The following EBAG9 variants were observed in gnomAD, a reference collection of about 807,000 sequenced individuals.
EBAG9 encodes estrogen receptor binding site associated antigen 9.
EBAG9 carries 16 observed loss-of-function variants against 30.9 expected under a neutral mutation model. The observed-to-expected ratio is 0.52, with a 90% CI of 0.35 to 0.79. EBAG9 has a LOEUF of 0.79. Ranked by LOEUF, EBAG9 falls within the 30% of genes least tolerant of loss-of-function variation. The pLI is 0.01. For synonymous variants in EBAG9, 93 were observed against 82.8 expected, an observed-to-expected ratio of 1.12 and a Z score of -0.67; for missense variants, 197 against 242.1, an observed-to-expected ratio of 0.81 and a Z score of 1.24.
rs534001160 is a variant in EBAG9 at position 109,557,050 on chromosome 8, T to A, written c.429+8T>A. 1 of 1,545,784 alleles carries A rather than the reference T, an allele frequency of 6.5e-7. No individual in the cohort carries two copies. The highest frequency in any genetic ancestry group is 1.8e-5 in the Admixed American group (1 of 56,458). ...CCTTTTATTCATCAGTCTGTAAGTATGTTAATGGTTCTAGGGAAGGGTTTT... is the reference window on the plus strand; with the variant it reads ...CCTTTTATTCATCAGTCTGTAAGTAAGTTAATGGTTCTAGGGAAGGGTTTT... On this transcript the variant is annotated splice_region_variant and intron_variant, in intron 5 of 6. Transcript: ENST00000337573.
intron 5 of EBAG9, among the ~76,000 whole-genome samples, chr8:109,559,621 G>A (rs761803778): frequency 1.2e-4 from 18 of 152,050 alleles, no homozygotes; most frequent in Non-Finnish European, 2.2e-4. Context: ...AGACCAACCT[G>A]AGCAACATAG....
intron 6 of EBAG9, among the ~76,000 whole-genome samples, chr8:109,562,562 C>A (rs1355677880): frequency 6.6e-6 from 1 of 151,822 alleles, no homozygotes; most frequent in East Asian, 1.9e-4. Context: ...ATAAATAATG[C>A]CAGTACTGTG....
At chr8:109,547,034 A>AT (rs111313500) in intron 1 of EBAG9, among the ~76,000 whole-genome samples, 8,102 of 149,842 alleles carry the variant, frequency 0.054, 491 homozygotes, top group African/African-American at 0.15. Flanking sequence ...ATTTATTTCA[A>AT]TTTTTTTTTT....
intron 1 of EBAG9, among the ~76,000 whole-genome samples, chr8:109,546,636 T>C (rs1247562960): frequency 1.3e-5 from 2 of 152,196 alleles, no homozygotes; most frequent in Admixed American, 6.5e-5. Context: ...TTTTTTGCAA[T>C]TTTTTTAGGC....
intron 6 of EBAG9, among the ~76,000 whole-genome samples, chr8:109,563,910 T>G (rs1481423311): frequency 6.6e-6 from 1 of 152,098 alleles, no homozygotes; most frequent in Admixed American, 6.6e-5. Flanking sequence ...TGAAATTTAC[T>G]TGGTGGAAGG....
At position 109,541,315 on chromosome 8, in the gene EBAG9, C is replaced by T. The variant is rs77815243; in HGVS notation, c.-16+854C>T. Among the ~76,000 whole-genome samples, 1,387 of 152,186 alleles carry T rather than the reference C, an allele frequency of 9.1e-3. 14 individuals are homozygous for T. Among genetic ancestry groups the T allele is most frequent in the African/African-American group, 0.031 (1,302 of 41,476 alleles). ...CAAATTGGTGATCTAGAGGGCATTT[C>T]AAAAATCGCACTGAGGCAATGTGCA... On this transcript the variant is annotated intron_variant, in intron 1 of 6. Coordinates refer to ENST00000337573, the MANE Select transcript of EBAG9 (RefSeq NM_004215.5).
intron 4 of EBAG9, among the ~76,000 whole-genome samples, chr8:109,555,361 A>G (rs947315346): frequency 2.0e-5 from 3 of 151,908 alleles, no homozygotes; most frequent in Admixed American, 6.6e-5. Flanking sequence ...TATGTGCCAC[A>G]TTTTCTTAAT....
At chr8:109,561,223 A>G (rs1821704837) in intron 6 of EBAG9, among the ~76,000 whole-genome samples, 2 of 150,610 alleles carry the variant, frequency 1.3e-5, no homozygotes, top group African/African-American at 2.4e-5. Flanking sequence ...TTTTATATAT[A>G]TATATATAAG....
At chr8:109,552,103 G>C (rs911823493) in intron 2 of EBAG9, among the ~76,000 whole-genome samples, 2 of 151,982 alleles carry the variant, frequency 1.3e-5, no homozygotes, top group Non-Finnish European at 2.9e-5. Context: ...ACATGACTTA[G>C]AGGTTACACA....
chr8:109,553,975 T>A, intron 3 of EBAG9, 32 bp downstream of exon 3: 1 of 1,531,840 alleles, frequency 6.5e-7, no homozygotes, highest in Non-Finnish European at 8.9e-7. Context: ...TTTTGTTTTG[T>A]TTTGTTTTGA....
intron 1 of EBAG9, among the ~76,000 whole-genome samples, chr8:109,548,885 T>C (rs980835534): frequency 3.4e-5 from 5 of 147,240 alleles, no homozygotes; most frequent in Non-Finnish European, 7.4e-5. Context: ...TTTTTCTTTT[T>C]TCTTTTTTTT....
intron 4 of EBAG9, 151 bp from the exon 5 acceptor site, chr8:109,556,784 G>C (rs1296946930): frequency 2.4e-6 from 1 of 409,474 alleles, no homozygotes; most frequent in Non-Finnish European, 4.3e-6. Context: ...CAATTCCCTG[G>C]GAAATTGGTA....
chr8:109,545,268 G>A (rs1035172689), intron 1 of EBAG9, among the ~76,000 whole-genome samples: 3 of 143,330 alleles, frequency 2.1e-5, no homozygotes, highest in East Asian at 2.1e-4. Flanking sequence ...GTTGCGGTGA[G>A]CTGAGATTGC....
rs188525010 is a variant in EBAG9 at position 109,555,184 on chromosome 8, C to G, written c.321+297C>G. On this transcript the variant is annotated intron_variant, in intron 4 of 6. Coordinates refer to ENST00000337573, the MANE Select transcript of EBAG9 (RefSeq NM_004215.5). ...GTGTATGATGTTCCCCTTCCTATGT[C>G]CATGTGTTCTCATTGTTCAGTTCCC... Among the ~76,000 whole-genome samples the G allele has an allele frequency of 7.3e-5, 11 of 151,468 alleles. No homozygotes were observed. The South Asian group carries it at 2.3e-3, about 32-fold the overall frequency.
intron 5 of EBAG9, among the ~76,000 whole-genome samples, chr8:109,559,694 A>G (rs1821673615): frequency 6.6e-6 from 1 of 152,062 alleles, no homozygotes; most frequent in Admixed American, 6.6e-5. Flanking sequence ...ATGTGCCTAT[A>G]GTCCCAGCTA....
At chr8:109,542,648 T>C (rs1378369214) in intron 1 of EBAG9, among the ~76,000 whole-genome samples, 1 of 152,208 alleles carries the variant, frequency 6.6e-6, no homozygotes, top group Non-Finnish European at 1.5e-5. Context: ...ATTGAGAGTT[T>C]TGTTCTTGAC....
chr8:109,564,599 A>G lies in EBAG9; in HGVS notation c.*40A>G, dbSNP rs1586697501. 1.2e-6 allele frequency: 2 copies of G among 1,601,728 alleles called. No individual in the cohort carries two copies. Among genetic ancestry groups the G allele is most frequent in the African/African-American group, 2.7e-5 (2 of 74,302 alleles). ...TTATCATGCCAGTAGGAGAAATCTC[A>G]GCTCCACAACCCAAGCAACATTTGT... On this transcript the variant is annotated 3_prime_UTR_variant, in exon 7 of 7. Transcript: ENST00000337573.
intron 1 of EBAG9, among the ~76,000 whole-genome samples, chr8:109,541,192 TA>T (rs1482355667): frequency 6.6e-6 from 1 of 152,160 alleles, no homozygotes; most frequent in Non-Finnish European, 1.5e-5. Context: ...TTGTAATTTT[TA>T]AGGAAATTTA....
intron 1 of EBAG9, among the ~76,000 whole-genome samples, chr8:109,545,804 G>C (rs1821373241): frequency 6.6e-6 from 1 of 152,158 alleles, no homozygotes; most frequent in Admixed American, 6.5e-5. Context: ...TAAGGACTGA[G>C]ACACTACAAC....
Sources: gnomAD v4.1 joint callset for allele counts (sites outside exome capture counted in the v4.1 genomes callset) on GRCh38, gnomAD v4.1.1 for gene constraint, MANE v1.5 for transcripts, NCBI Gene and HGNC (gene_info 2026-07-23, HGNC 2026-07-21) for gene names.